TACR1: variants seen among roughly 807,000 people sequenced by gnomAD.
TACR1 encodes tachykinin receptor 1.
A neutral mutation model predicts 35.8 loss-of-function variants in TACR1; 25 were observed. The ratio of observed to expected loss-of-function variants is 0.70; its 90% CI spans 0.51 to 0.98. The LOEUF (loss-of-function observed/expected upper bound fraction) is 0.98. TACR1 is among the 50% of genes least tolerant of loss of function. The pLI, the probability that TACR1 is intolerant of heterozygous loss-of-function variation, is 0.00. For synonymous variants in TACR1, 195 were observed against 206.7 expected (o/e 0.94, Z 0.48); for missense variants, 478 against 522.9 (o/e 0.91, Z 0.84).
rs186024363 is a variant in TACR1, at chr2:75,179,217, T to C, written c.389+19329A>G. On this transcript the variant is annotated intron_variant, in intron 1 of 4. Coordinates refer to ENST00000305249, the MANE Select transcript of TACR1 (RefSeq NM_001058.4). ...TCAGCATCAAACCTAGCAGTCATTC[T>C]TGACTGTGCTTTTTTCTCTTCTATT... Among the ~76,000 whole-genome samples, 311 of 152,352 alleles carry C rather than the reference T, an allele frequency of 2.0e-3. 2 individuals carry two copies. The highest frequency in any genetic ancestry group is 3.4e-3 in the Middle Eastern group (1 of 294).
intron 2 of TACR1, among the ~76,000 whole-genome samples, chr2:75,104,226 C>T (rs951138284): frequency 1.3e-5 from 2 of 151,748 alleles, no homozygotes; most frequent in African/African-American, 4.8e-5. Context: ...AAAAGATACG[C>T]CATCCAAACA....
intron 2 of TACR1, among the ~76,000 whole-genome samples, chr2:75,076,409 G>C (rs540155028): frequency 6.6e-6 from 1 of 152,148 alleles, no homozygotes; most frequent in African/African-American, 2.4e-5. Context: ...TCAGCTCAAG[G>C]GCCAACAGAG....
At chr2:75,151,746 T>G (rs201777014) in intron 1 of TACR1, among the ~76,000 whole-genome samples, 1 of 152,030 alleles carries the variant, frequency 6.6e-6, no homozygotes, top group East Asian at 1.9e-4. Context: ...GAATAGCAGA[T>G]GCACCAACAG....
intron 2 of TACR1, among the ~76,000 whole-genome samples, chr2:75,114,103 A>G (rs993090877): frequency 6.6e-6 from 1 of 152,212 alleles, no homozygotes; most frequent in African/African-American, 2.4e-5. Flanking sequence ...GTAGAGAATT[A>G]TATTAGAGCT....
At chr2:75,192,058 T>G (rs1675859863) in intron 1 of TACR1, among the ~76,000 whole-genome samples, 1 of 152,066 alleles carries the variant, frequency 6.6e-6, no homozygotes, top group Non-Finnish European at 1.5e-5. Context: ...CATCTTAGTA[T>G]AAGCACTGAG....
intron 2 of TACR1, among the ~76,000 whole-genome samples, chr2:75,100,800 A>T (rs1390930906): frequency 6.6e-6 from 1 of 152,230 alleles, no homozygotes; most frequent in Non-Finnish European, 1.5e-5. Context: ...GTCAAAAAAT[A>T]ATGTTCTTGG....
chr2:75,049,496 G>A lies in TACR1; in HGVS notation c.1160C>T (p.Ser387Phe). Residue 387 changes from serine to phenylalanine, a missense_variant, in exon 5 of 5, where the codon TCT (serine) becomes TTT (phenylalanine). Coordinates refer to ENST00000305249, the MANE Select transcript of TACR1 (RefSeq NM_001058.4). Reference protein sequence around the residue: ...PSSLDLTSNCSSRSDSKTMTE... With the variant: ...PSSLDLTSNCFSRSDSKTMTE... Reference sequence around the variant, plus strand: ...CATGGTCTTGGAGTCACTTCGTGAAGAGCAGTTGGAGGTCAGGTCCAGGGA... The same window carrying A: ...CATGGTCTTGGAGTCACTTCGTGAAAAGCAGTTGGAGGTCAGGTCCAGGGA... 6.2e-7 allele frequency: 1 copy of A among 1,614,164 alleles called. No individual in the cohort carries two copies. Among genetic ancestry groups the A allele is most frequent in the Non-Finnish European group, 8.5e-7 (1 of 1,179,988 alleles).
intron 2 of TACR1, among the ~76,000 whole-genome samples, chr2:75,098,699 A>G (rs750972314): frequency 6.6e-6 from 1 of 152,080 alleles, no homozygotes; most frequent in Non-Finnish European, 1.5e-5. Context: ...GTGGATTCTC[A>G]TCCCCCAACT....
In TACR1 at chr2:75,053,765, G is replaced by A. The variant is rs1442233624; in HGVS notation, c.585-10C>T. The stretch of plus-strand genomic sequence containing the variant: ...CACACAGATGTGGTACCTACAGCAA[G>A]GTAAACAGGAAAGGTCAGTATGATA... On this transcript the variant is annotated splice_polypyrimidine_tract_variant and intron_variant, in intron 2 of 4. Coordinates refer to ENST00000305249, the MANE Select transcript of TACR1 (RefSeq NM_001058.4). 1 of 1,614,132 alleles carries A rather than the reference G, an allele frequency of 6.2e-7. No homozygotes were observed. The highest frequency in any genetic ancestry group is 8.5e-7 in the Non-Finnish European group (1 of 1,180,012).
intron 1 of TACR1, among the ~76,000 whole-genome samples, chr2:75,197,281 T>TACAGG (rs1676016435): frequency 6.6e-6 from 1 of 152,224 alleles, no homozygotes; most frequent in Non-Finnish European, 1.5e-5. Context: ...TCCCTGATTT[T>TACAGG]AAAAGTGTTC....
chr2:75,091,611 G>A (rs1270611962), intron 2 of TACR1, among the ~76,000 whole-genome samples: 3 of 152,144 alleles, frequency 2.0e-5, no homozygotes, highest in Admixed American at 1.3e-4. Flanking sequence ...TCTACCCTGA[G>A]TCACAGCCTG....
At chr2:75,099,407 A>G (rs1427540966) in intron 2 of TACR1, among the ~76,000 whole-genome samples, 2 of 152,062 alleles carry the variant, frequency 1.3e-5, no homozygotes, top group South Asian at 2.1e-4. Context: ...CTCTGTGGAA[A>G]CTCACATTCA....
At chr2:75,129,817 A>G (rs1405900648) in intron 1 of TACR1, among the ~76,000 whole-genome samples, 1 of 152,154 alleles carries the variant, frequency 6.6e-6, no homozygotes, top group Non-Finnish European at 1.5e-5. Flanking sequence ...CTGGGTGACC[A>G]TAGGGTGACC....
chr2:75,194,255 T>A (rs151014339), intron 1 of TACR1, among the ~76,000 whole-genome samples: 1 of 152,170 alleles, frequency 6.6e-6, no homozygotes, highest in Non-Finnish European at 1.5e-5. Flanking sequence ...ATGACCCATC[T>A]GAGAATTAAC....
intron 1 of TACR1, among the ~76,000 whole-genome samples, chr2:75,149,093 C>T (rs979752328): frequency 5.9e-5 from 9 of 151,984 alleles, no homozygotes; most frequent in African/African-American, 1.9e-4. Context: ...GTTTGTTTTG[C>T]TACCAGTACC....
intron 1 of TACR1, among the ~76,000 whole-genome samples, chr2:75,144,078 C>A (rs1172991368): frequency 6.6e-6 from 1 of 152,188 alleles, no homozygotes; most frequent in Non-Finnish European, 1.5e-5. Context: ...TTTCCACGAT[C>A]ATGGGGAACT....
At chr2:75,180,176 C>T (rs1211306126) in intron 1 of TACR1, among the ~76,000 whole-genome samples, 1 of 152,180 alleles carries the variant, frequency 6.6e-6, no homozygotes, top group Non-Finnish European at 1.5e-5. Context: ...TGGCTTCCTT[C>T]TACTTCCCAT....
intron 2 of TACR1, among the ~76,000 whole-genome samples, chr2:75,100,947 A>G (rs1673523687): frequency 6.6e-6 from 1 of 152,176 alleles, no homozygotes; most frequent in African/African-American, 2.4e-5. Flanking sequence ...TATGTACTTA[A>G]TAACATCTGT....
chr2:75,173,434 G>A (rs1327052144), intron 1 of TACR1, among the ~76,000 whole-genome samples: 4 of 152,112 alleles, frequency 2.6e-5, no homozygotes, highest in African/African-American at 9.7e-5. Flanking sequence ...CCTCATCACT[G>A]CCAATTGTAT....
Sources: gnomAD v4.1 joint callset for allele counts (sites outside exome capture counted in the v4.1 genomes callset) on GRCh38, gnomAD v4.1.1 for gene constraint, MANE v1.5 for transcripts, NCBI Gene and HGNC (gene_info 2026-07-23, HGNC 2026-07-21) for gene names.